The following CD6 variants were observed in gnomAD, a reference collection of about 807,000 sequenced individuals.
CD6 encodes T-cell differentiation antigen CD6.
CD6 carries 53 observed loss-of-function variants against 75.3 expected under a neutral mutation model. That is an observed-to-expected ratio of 0.70 (90% CI 0.56 to 0.88). The LOEUF (loss-of-function observed/expected upper bound fraction) is 0.88. Among genes scored for constraint, CD6 ranks in the 40% least tolerant of loss-of-function variants. CD6 has a pLI of 0.00. For missense variants in CD6, 770 were observed against 897.1 expected, an observed-to-expected ratio of 0.86 and a Z score of 1.81; for synonymous variants, 359 against 381.5, an observed-to-expected ratio of 0.94 and a Z score of 0.69.
intron 1 of CD6, among the ~76,000 whole-genome samples, chr11:60,978,041 T>G (rs554783949): frequency 1.3e-5 from 2 of 152,134 alleles, no homozygotes; most frequent in Non-Finnish European, 2.9e-5. Flanking sequence ...CCATGGGAGA[T>G]TTCCTCCTCC....
intron 2 of CD6, 47 bp downstream of exon 2, chr11:61,006,689 T>C (rs767502590): frequency 2.0e-6 from 3 of 1,494,476 alleles, no homozygotes; most frequent in South Asian, 2.4e-5. Flanking sequence ...TTTCTGTAGG[T>C]GGTCCCCCAG....
chr11:61,013,619 G>A, intron 7 of CD6, 56 bp downstream of exon 7: 1 of 1,587,570 alleles, frequency 6.3e-7, no homozygotes, highest in Non-Finnish European at 8.6e-7. Flanking sequence ...AGCCTTGGCA[G>A]AACCCCAGCA....
In CD6 at chr11:61,009,707, T is replaced by C. The variant is rs1859054781; in HGVS notation, c.917T>C (p.Leu306Ser). The change falls in exon 5 of 13, where the codon TTG (leucine) becomes TCG (serine). Residue 306 changes from leucine to serine, a missense_variant. Physicochemically the swap from Leu to Ser is moderately radical, Grantham distance 145 (BLOSUM62 -2). Coordinates refer to ENST00000313421, the MANE Select transcript of CD6 (RefSeq NM_006725.5). ...GAGGCCAAGGTGCTCTGCCAGTCCT[T>C]GGGCTGTGGAACTGCGGTTGAGAGG... ...PSEAKVLCQS[L>S]GCGTAVERPK... 1.2e-6 allele frequency: 2 copies of C among 1,614,102 alleles called. No individual in the cohort carries two copies. The highest frequency in any genetic ancestry group is 1.7e-6 in the Non-Finnish European group (2 of 1,180,018).
chr11:60,972,633 A>G (rs187147486), intron 1 of CD6, among the ~76,000 whole-genome samples: 6 of 152,190 alleles, frequency 3.9e-5, no homozygotes, highest in African/African-American at 1.4e-4. Context: ...GGGCCTGGAG[A>G]TGCAAGAGAT....
In CD6 at chr11:61,019,555, C is replaced by T. The variant is rs1012528271; in HGVS notation, c.*237C>T. 6.4e-5 allele frequency: 27 copies of T among 422,008 alleles called. No homozygotes were observed. Among genetic ancestry groups the T allele is most frequent in the African/African-American group, 5.4e-4 (27 of 49,878 alleles). The allele number at this position is 422,008 out of a possible 1,614,324, so 26.1% of individuals were successfully genotyped here. ...AGCAGCCCCAGGGAGGATGCTGCCT[C>T]CAAGAGGTGTGAGCCCTCTGTCTCG... On this transcript the variant is annotated 3_prime_UTR_variant, in exon 13 of 13. Coordinates refer to ENST00000313421, the MANE Select transcript of CD6 (RefSeq NM_006725.5).
At chr11:60,997,665 G>A (rs1858369926) in intron 1 of CD6, among the ~76,000 whole-genome samples, 1 of 151,968 alleles carries the variant, frequency 6.6e-6, no homozygotes, top group African/African-American at 2.4e-5. Flanking sequence ...CATTCAATCT[G>A]TATTTAGATT....
At chr11:60,990,517 C>T (rs1638972401) in intron 1 of CD6, among the ~76,000 whole-genome samples, 1 of 152,110 alleles carries the variant, frequency 6.6e-6, no homozygotes, top group African/African-American at 2.4e-5. Flanking sequence ...AGCCACCGCG[C>T]CTGGCCTGAG....
rs562198980 is a variant in CD6 at position 60,998,757 on chromosome 11, C to T, written c.50-7817C>T. Among the ~76,000 whole-genome samples the T allele has an allele frequency of 1.4e-4, 21 of 151,482 alleles. No homozygotes were observed. In the South Asian group the frequency reaches 4.2e-3, roughly 30 times the overall value. On this transcript the variant is annotated intron_variant, in intron 1 of 12. Coordinates refer to ENST00000313421, the MANE Select transcript of CD6 (RefSeq NM_006725.5). ...TAGTACTTCAAGCTAGCCCACATGT[C>T]CCCCCAGGAAAAAAGCCCTGTGTAT...
rs1253279501 is a variant in CD6, at chr11:61,007,845, G to T, written c.404G>T (p.Arg135Leu). 1.4e-6 allele frequency: 2 copies of T among 1,417,020 alleles called. No individual in the cohort carries two copies. The highest frequency in any genetic ancestry group is 6.0e-5 in the Admixed American group (2 of 33,200). 87.8% of individuals were successfully genotyped at this position (1,417,020 alleles called of 1,614,324 possible). A position where few individuals can be genotyped will look rare whatever the true frequency, so the allele number is the denominator to read the frequency against. Reference sequence around the variant, plus strand: ...CTCCTGTGCAGCGGCGCCGAGTGGCGGCTCTGCGAGGTGGTGGAGCACGCG... The same window carrying T: ...CTCCTGTGCAGCGGCGCCGAGTGGCTGCTCTGCGAGGTGGTGGAGCACGCG... ...PALLCSGAEWRLCEVVEHACR... is the reference protein window; with the variant it reads ...PALLCSGAEWLLCEVVEHACR... The change falls in exon 3 of 13, where the codon CGG becomes CTG. Residue 135 changes from arginine to leucine, a missense_variant. By Grantham distance (102) the Arg-to-Leu change is moderately radical. Transcript: ENST00000313421. This position sits in a 1 kb window ranked among gnomAD's most constrained non-coding sequence, Gnocchi z 4.2.
chr11:61,007,932 G>A lies in CD6; in HGVS notation c.469+22G>A. On this transcript the variant is annotated intron_variant, in intron 3 of 12. Coordinates refer to ENST00000313421, the MANE Select transcript of CD6 (RefSeq NM_006725.5). This position sits in a 1 kb window ranked among gnomAD's most constrained non-coding sequence, Gnocchi z 4.2. ...GCAGGTACGAGCGCACCCCCTACAC[G>A]GGCCCCCACCTGCCCCACTCCCCAG... is the stretch of plus-strand genomic sequence containing the variant. 1 of 1,289,470 alleles carries A rather than the reference G, an allele frequency of 7.8e-7. No homozygotes were observed. Among genetic ancestry groups the A allele is most frequent in the Non-Finnish European group, 9.9e-7 (1 of 1,014,830 alleles). 79.9% of individuals were successfully genotyped at this position (1,289,470 alleles called of 1,614,324 possible).
chr11:61,018,038 C>A, intron 11 of CD6, 25 bp downstream of exon 11: 1 of 1,606,266 alleles, frequency 6.2e-7, no homozygotes. Context: ...CCCCAAACCC[C>A]CATCCCATAG....
At chr11:61,017,109 G>C (rs1289794442) in intron 9 of CD6, 2 of 240,126 alleles carry the variant, frequency 8.3e-6, no homozygotes, top group Non-Finnish European at 1.7e-5. Context: ...AGACCATCTG[G>C]GTTTCACTCT....
intron 1 of CD6, among the ~76,000 whole-genome samples, chr11:60,996,459 G>A (rs1454978551): frequency 2.0e-5 from 3 of 152,212 alleles, no homozygotes; most frequent in Non-Finnish European, 4.4e-5. Flanking sequence ...CCGGCCACTG[G>A]GCAAGGGGCA....
chr11:60,997,221 T>C (rs993435599), intron 1 of CD6, among the ~76,000 whole-genome samples: 1 of 151,632 alleles, frequency 6.6e-6, no homozygotes, highest in Non-Finnish European at 1.5e-5. Context: ...ACTAAAAGTA[T>C]AAAAAAAGTA....
intron 1 of CD6, chr11:60,987,819 T>A (rs1857886994): frequency 6.6e-6 from 1 of 152,250 alleles, no homozygotes; most frequent in Non-Finnish European, 1.5e-5. Flanking sequence ...CTAACTCTGT[T>A]TTTTTTCCAG....
At position 61,007,450 on chromosome 11, in the gene CD6, C is replaced by T; in HGVS notation, c.119-110C>T. The T allele has an allele frequency of 1.1e-6, 1 of 877,988 alleles. No individual in the cohort carries two copies. Among genetic ancestry groups the T allele is most frequent in the Non-Finnish European group, 1.6e-6 (1 of 626,620 alleles). 54.4% of individuals were successfully genotyped at this position (877,988 alleles called of 1,614,324 possible). A position where few individuals can be genotyped will look rare whatever the true frequency, so the allele number is the denominator to read the frequency against. ...TTTTGCAGACTGGAAAGCTGAGACC[C>T]CTAGCCAGGCAGGGCGTTGTCAAAG... On this transcript the variant is annotated intron_variant, in intron 2 of 12. Coordinates refer to ENST00000313421, the MANE Select transcript of CD6 (RefSeq NM_006725.5). This position sits in a 1 kb window ranked among gnomAD's most constrained non-coding sequence, Gnocchi z 4.2.
In CD6 at chr11:61,019,960, C is replaced by T; in HGVS notation, c.*642C>T. 1 of 395,502 alleles carries T rather than the reference C, an allele frequency of 2.5e-6. No homozygotes were observed. The highest frequency in any genetic ancestry group is 4.4e-5 in the Admixed American group (1 of 22,654). 24.5% of individuals were successfully genotyped at this position (395,502 alleles called of 1,614,324 possible). A position where few individuals can be genotyped will look rare whatever the true frequency, so the allele number is the denominator to read the frequency against. ...TGACTGTGTACCCCCAACCAAGGAG[C>T]TGGGGCCCAAGGCCAGTCCTGCCCC... On this transcript the variant is annotated 3_prime_UTR_variant, in exon 13 of 13. Transcript: ENST00000313421.
intron 1 of CD6, among the ~76,000 whole-genome samples, chr11:60,979,096 G>T (rs1183450464): frequency 6.6e-6 from 1 of 152,214 alleles, no homozygotes; most frequent in African/African-American, 2.4e-5. Context: ...CTGAGCTTGG[G>T]TCTCCCAGCC....
At chr11:60,984,530 A>G (rs993841573) in intron 1 of CD6, among the ~76,000 whole-genome samples, 2 of 152,230 alleles carry the variant, frequency 1.3e-5, no homozygotes, top group African/African-American at 4.8e-5. Flanking sequence ...AGCTACTAGT[A>G]TGTGTTAGGC....
Sources: gnomAD v4.1 joint callset for allele counts (sites outside exome capture counted in the v4.1 genomes callset) on GRCh38, gnomAD v4.1.1 for gene constraint, Gnocchi (gnomAD v3.1) non-coding constraint, MANE v1.5 for transcripts, NCBI Gene and HGNC (gene_info 2026-07-23, HGNC 2026-07-21) for gene names.